Variants in ROBO2 observed in about 807,000 individuals in gnomAD.
ROBO2 encodes roundabout guidance receptor 2.
Under a neutral mutation model 160.8 loss-of-function variants are expected in ROBO2, and 53 were observed. The ratio of observed to expected loss-of-function variants is 0.33; its 90% CI spans 0.26 to 0.41. ROBO2 has a LOEUF of 0.41. ROBO2 is among the 10% of genes least tolerant of loss of function. The pLI is 1.00. For synonymous variants in ROBO2, 664 were observed against 611.7 expected (o/e 1.09, Z -1.26); for missense variants, 1,577 against 1,722.4 (o/e 0.92, Z 1.49).
chr3:76,232,627 C>T (rs1704688797), intron 2 of ROBO2, among the ~76,000 whole-genome samples: 1 of 152,164 alleles, frequency 6.6e-6, no homozygotes, highest in African/African-American at 2.4e-5. Context: ...ATTTAACGAT[C>T]ACAAACAAAT....
intron 4 of ROBO2, among the ~76,000 whole-genome samples, chr3:77,484,983 T>C (rs1179474687): frequency 1.3e-5 from 2 of 152,112 alleles, no homozygotes; most frequent in Non-Finnish European, 2.9e-5. Context: ...AAATCTTCTA[T>C]AATCATTTTT....
At chr3:76,166,393 A>G (rs1449377679) in intron 2 of ROBO2, among the ~76,000 whole-genome samples, 2 of 152,154 alleles carry the variant, frequency 1.3e-5, no homozygotes, top group African/African-American at 4.8e-5. Context: ...TGTTCAGCTC[A>G]TGTTCAGCTC....
intron 2 of ROBO2, among the ~76,000 whole-genome samples, chr3:76,236,859 C>G (rs1704978696): frequency 6.6e-6 from 1 of 151,520 alleles, no homozygotes; most frequent in Non-Finnish European, 1.5e-5. Flanking sequence ...AAAATATAAC[C>G]CTAAGGTATA....
intron 19 of ROBO2, among the ~76,000 whole-genome samples, chr3:77,601,967 A>G (rs2094438795): frequency 6.6e-6 from 1 of 152,230 alleles, no homozygotes; most frequent in African/African-American, 2.4e-5. Flanking sequence ...TCATGGTTAA[A>G]GAAAATAGGG....
intron 2 of ROBO2, among the ~76,000 whole-genome samples, chr3:75,980,655 G>A (rs2065248834): frequency 6.6e-6 from 1 of 151,452 alleles, no homozygotes; most frequent in Non-Finnish European, 1.5e-5. Flanking sequence ...CATCTAAACA[G>A]TGATAATTTA....
intron 1 of ROBO2, among the ~76,000 whole-genome samples, chr3:77,073,444 C>CA: frequency 6.6e-6 from 1 of 152,128 alleles, no homozygotes; most frequent in East Asian, 1.9e-4. Context: ...CTTTTCTGTA[C>CA]AAAAGAGGGG....
intron 2 of ROBO2, among the ~76,000 whole-genome samples, chr3:75,944,013 T>C (rs530340621): frequency 5.3e-5 from 8 of 152,218 alleles, no homozygotes; most frequent in African/African-American, 1.9e-4. Flanking sequence ...AGCTAAGATA[T>C]TCTAGAAGCT....
intron 21 of ROBO2, among the ~76,000 whole-genome samples, chr3:77,614,739 AACCAACCAAC>A (rs2094728097): frequency 6.6e-6 from 1 of 151,710 alleles, no homozygotes; most frequent in African/African-American, 2.4e-5. Context: ...CCAACCAACC[AACCAACCAAC>A]CAACCAAACA....
Position 75,998,321 on chromosome 3 carries a change from C to T in ROBO2, c.109+60719C>T, listed in dbSNP as rs187378219. ...TTTTTATTATAATAAACATAAATTA[C>T]ATCACCATAACTCATATGACGTTTT... On this transcript the variant is annotated intron_variant, in intron 2 of 26. Transcript: ENST00000487694. 2.0e-4 allele frequency among the ~76,000 whole-genome samples: 30 copies of T among 152,310 alleles called. 1 individual carries two copies. The highest frequency in any genetic ancestry group is 7.0e-4 in the African/African-American group (29 of 41,556).
At chr3:76,530,313 A>G (rs1169284286) in intron 2 of ROBO2, among the ~76,000 whole-genome samples, 1 of 152,164 alleles carries the variant, frequency 6.6e-6, no homozygotes, top group Admixed American at 6.6e-5. Context: ...GATTTGTCTC[A>G]TTTTAAGTTC....
intron 2 of ROBO2, among the ~76,000 whole-genome samples, chr3:76,293,197 G>T (rs997263277): frequency 7.2e-5 from 11 of 152,174 alleles, no homozygotes; most frequent in African/African-American, 2.7e-4. Flanking sequence ...GACCCGAAAG[G>T]TCTCAGTAGT....
Position 77,277,157 on chromosome 3 carries a change from CTTCTTTCT to C in ROBO2, c.388+178867_388+178874del, listed in dbSNP as rs758551962. ...CCTTTCTTCCTTCTTTCCTTCTTTC[CTTCTTTCT>C]TTCTTTCTTTCTTTCTTTCTTTCTT... On this transcript the variant is annotated intron_variant, in intron 2 of 25. Coordinates refer to ENST00000461745, the Ensembl canonical transcript of ROBO2. Among the ~76,000 whole-genome samples, 300 of 88,174 alleles carry C rather than the reference CTTCTTTCT, an allele frequency of 3.4e-3. 1 individual carries two copies. Among genetic ancestry groups the C allele is most frequent in the African/African-American group, 5.9e-3 (135 of 22,970 alleles). 57.8% of individuals were successfully genotyped at this position (88,174 alleles called of 152,430 possible). A position where few individuals can be genotyped will look rare whatever the true frequency, so the allele number is the denominator to read the frequency against.
intron 2 of ROBO2, among the ~76,000 whole-genome samples, chr3:77,321,639 T>C (rs991584964): frequency 6.6e-6 from 1 of 152,144 alleles, no homozygotes; most frequent in African/African-American, 2.4e-5. Context: ...TAGAGATTAG[T>C]TGAGTGTTAC....
At chr3:77,512,138 G>T (rs905028187) in intron 5 of ROBO2, among the ~76,000 whole-genome samples, 1 of 151,854 alleles carries the variant, frequency 6.6e-6, no homozygotes, top group Admixed American at 6.6e-5. Flanking sequence ...TGTTCGTTTT[G>T]GGGTCTTAGA....
At chr3:76,960,742 T>A (rs2079589682) in intron 2 of ROBO2, among the ~76,000 whole-genome samples, 1 of 152,170 alleles carries the variant, frequency 6.6e-6, no homozygotes, top group Admixed American at 6.5e-5. Flanking sequence ...AATTCCATAA[T>A]GTAAGAAATT....
chr3:76,681,689 G>T (rs913328683), intron 2 of ROBO2, among the ~76,000 whole-genome samples: 3 of 152,178 alleles, frequency 2.0e-5, no homozygotes, highest in African/African-American at 7.2e-5. Context: ...AGAGTATGGA[G>T]ATTTGAATAT....
At chr3:75,998,048 AT>A in intron 2 of ROBO2, among the ~76,000 whole-genome samples, 1 of 152,220 alleles carries the variant, frequency 6.6e-6, no homozygotes, top group East Asian at 1.9e-4. Flanking sequence ...TGGGAGAAAG[AT>A]CTCTAAACTA....
intron 2 of ROBO2, among the ~76,000 whole-genome samples, chr3:76,277,808 G>A (rs951070841): frequency 6.6e-6 from 1 of 151,746 alleles, no homozygotes; most frequent in Non-Finnish European, 1.5e-5. Context: ...AATTAAATAA[G>A]TAAAAGTTAA....
At chr3:76,732,130 T>C (rs1237930081) in intron 2 of ROBO2, among the ~76,000 whole-genome samples, 2 of 152,054 alleles carry the variant, frequency 1.3e-5, no homozygotes, top group African/African-American at 2.4e-5. Flanking sequence ...ACTTTGAAAA[T>C]CAGAGAAAAC....
Sources: allele counts gnomAD v4.1 joint callset (sites outside exome capture counted in the v4.1 genomes callset), GRCh38; gene constraint gnomAD v4.1.1; transcripts MANE v1.5; gene names NCBI Gene and HGNC (gene_info 2026-07-23, HGNC 2026-07-21).